The following ZDHHC3 variants were observed in gnomAD, a reference collection of about 807,000 sequenced individuals.
The protein encoded by ZDHHC3 is palmitoyltransferase ZDHHC3.
A neutral mutation model predicts 30.6 loss-of-function variants in ZDHHC3; 9 were observed. The observed-to-expected ratio is 0.29, with a 90% CI of 0.18 to 0.51. The LOEUF (loss-of-function observed/expected upper bound fraction) is 0.51, where lower values mean the gene tolerates loss of function less well. Among genes scored for constraint, ZDHHC3 ranks in the 20% least tolerant of loss-of-function variants. The pLI is 0.97. For synonymous variants in ZDHHC3, 136 were observed against 140.2 expected, an observed-to-expected ratio of 0.97 and a Z score of 0.21; for missense variants, 246 against 384.2, an observed-to-expected ratio of 0.64 and a Z score of 3.01.
chr3:44,918,637 G>A lies in ZDHHC3; in HGVS notation c.*8052C>T, dbSNP rs1700375792. On this transcript the variant is annotated 3_prime_UTR_variant, in exon 7 of 7. Transcript: ENST00000424952. The stretch of plus-strand genomic sequence containing the variant: ...AAGGAAGGAGTGCAGGACACAAACA[G>A]CATGCGAGGTGAAGAAGCGGGTGCT... 3 of 985,336 alleles carry A rather than the reference G, an allele frequency of 3.0e-6. No individual in the cohort carries two copies. Among genetic ancestry groups the A allele is most frequent in the Admixed American group, 6.1e-5 (1 of 16,270 alleles). The allele number at this position is 985,336 out of a possible 1,614,324, so 61.0% of individuals were successfully genotyped here. A position where few individuals can be genotyped will look rare whatever the true frequency, so the allele number is the denominator to read the frequency against.
At chr3:44,949,741 C>A (rs992890242) in intron 2 of ZDHHC3, among the ~76,000 whole-genome samples, 1 of 152,180 alleles carries the variant, frequency 6.6e-6, no homozygotes, top group Non-Finnish European at 1.5e-5. Flanking sequence ...AGGGCCCAGA[C>A]CACATGGCAT....
rs1700941146 is a variant in ZDHHC3 at position 44,925,862 on chromosome 3, G to T, written c.*827C>A. 3.0e-6 allele frequency: 3 copies of T among 985,854 alleles called. No homozygotes were observed. The South Asian group carries it at 1.4e-4, about 46-fold the overall frequency. 61.1% of individuals were successfully genotyped at this position (985,854 alleles called of 1,614,324 possible). On this transcript the variant is annotated 3_prime_UTR_variant, in exon 7 of 7. Coordinates refer to ENST00000424952, the MANE Select transcript of ZDHHC3 (RefSeq NM_001135179.2). The stretch of plus-strand genomic sequence containing the variant: ...CTTGCTGGGGAAGAGAGGGAGATGG[G>T]GTGGTGAGAGAGGAAGCAGATGAAA...
intron 2 of ZDHHC3, among the ~76,000 whole-genome samples, chr3:44,957,801 G>A (rs1704083193): frequency 6.6e-6 from 1 of 152,170 alleles, no homozygotes; most frequent in Non-Finnish European, 1.5e-5. Flanking sequence ...ATCACACAGG[G>A]TTATCATCAC....
chr3:44,921,069 G>A lies in ZDHHC3; in HGVS notation c.*5620C>T. On this transcript the variant is annotated 3_prime_UTR_variant, in exon 7 of 7. Coordinates refer to ENST00000424952, the MANE Select transcript of ZDHHC3 (RefSeq NM_001135179.2). ...CAGGCTCAAGAGAACGAACAAAAAT[G>A]GTTGATGCCTGGTAAGGGGGTCATA... 1.0e-6 allele frequency: 1 copy of A among 985,434 alleles called. No individual in the cohort carries two copies. The highest frequency in any genetic ancestry group is 1.2e-6 in the Non-Finnish European group (1 of 829,924). 61.0% of individuals were successfully genotyped at this position (985,434 alleles called of 1,614,324 possible). A position where few individuals can be genotyped will look rare whatever the true frequency, so the allele number is the denominator to read the frequency against.
In ZDHHC3 at chr3:44,921,900, G is replaced by C. The variant is rs1700619143; in HGVS notation, c.*4789C>G. On this transcript the variant is annotated 3_prime_UTR_variant, in exon 7 of 7. Transcript: ENST00000424952. Reference sequence around the variant, plus strand: ...TTATGTCCGTGTTAGAGCATGTGCGGCCCCTAGAAGGCTTTTAGCGAACGT... The same window carrying C: ...TTATGTCCGTGTTAGAGCATGTGCGCCCCCTAGAAGGCTTTTAGCGAACGT... 1.3e-5 allele frequency: 13 copies of C among 985,408 alleles called. No individual in the cohort carries two copies. The South Asian group carries it at 5.6e-4, about 43-fold the overall frequency. The allele number at this position is 985,408 out of a possible 1,614,324, so 61.0% of individuals were successfully genotyped here.
intron 1 of ZDHHC3, among the ~76,000 whole-genome samples, chr3:44,970,219 A>G (rs1705298028): frequency 6.6e-6 from 1 of 152,358 alleles, no homozygotes; most frequent in East Asian, 1.9e-4. Flanking sequence ...GCAGTGCAAG[A>G]GCAGAGCCCT....
At chr3:44,946,510 T>A (rs536443785) in intron 2 of ZDHHC3, among the ~76,000 whole-genome samples, 3 of 152,114 alleles carry the variant, frequency 2.0e-5, no homozygotes, top group Non-Finnish European at 4.4e-5. Flanking sequence ...ACTTATAGTG[T>A]TTTGGAGGCT....
chr3:44,928,013 G>A (rs980176579), intron 6 of ZDHHC3, among the ~76,000 whole-genome samples: 1 of 152,210 alleles, frequency 6.6e-6, no homozygotes, highest in Non-Finnish European at 1.5e-5. Flanking sequence ...GCTAGGACTG[G>A]GGCCGTGAGA....
At chr3:44,942,493 G>A (rs1702528117) in intron 3 of ZDHHC3, among the ~76,000 whole-genome samples, 1 of 152,230 alleles carries the variant, frequency 6.6e-6, no homozygotes. Context: ...CCTGGGGAGA[G>A]AGGCAAGGAG....
intron 3 of ZDHHC3, among the ~76,000 whole-genome samples, chr3:44,934,729 T>C (rs1406334168): frequency 1.3e-5 from 2 of 151,756 alleles, no homozygotes; most frequent in Non-Finnish European, 2.9e-5. Context: ...CCATCTCTAC[T>C]AAAAATACAA....
In ZDHHC3 at chr3:44,922,787, C is replaced by G. The variant is rs1418257196; in HGVS notation, c.*3902G>C. On this transcript the variant is annotated 3_prime_UTR_variant, in exon 7 of 7. Transcript: ENST00000424952. ...GGGGACCGAGAATGTGCATTTCTAA[C>G]AAGTTCTCAGGTGATGCTGATGTTG... 1 of 985,128 alleles carries G rather than the reference C, an allele frequency of 1.0e-6. No homozygotes were observed. Among genetic ancestry groups the G allele is most frequent in the African/African-American group, 1.7e-5 (1 of 57,224 alleles). 61.0% of individuals were successfully genotyped at this position (985,128 alleles called of 1,614,324 possible).
intron 2 of ZDHHC3, among the ~76,000 whole-genome samples, chr3:44,948,033 G>C (rs1194743793): frequency 2.0e-5 from 3 of 152,070 alleles, no homozygotes; most frequent in Admixed American, 1.3e-4. Flanking sequence ...CATGACCCCT[G>C]TGTCAGGTCT....
rs924118941 is a variant in ZDHHC3, at chr3:44,924,546, G to A, written c.*2143C>T. 7.1e-6 allele frequency: 7 copies of A among 985,248 alleles called. No homozygotes were observed. The highest frequency in any genetic ancestry group is 8.4e-6 in the Non-Finnish European group (7 of 829,908). The allele number at this position is 985,248 out of a possible 1,614,324, so 61.0% of individuals were successfully genotyped here. On this transcript the variant is annotated 3_prime_UTR_variant, in exon 7 of 7. Transcript: ENST00000424952. ...TAGTATGCACAGCTTTAAAGGAGGA[G>A]TTTCTATTTTTAGGACTAAAAAAAA... is the stretch of plus-strand genomic sequence containing the variant.
At chr3:44,971,346 T>C (rs1705386543) in intron 1 of ZDHHC3, among the ~76,000 whole-genome samples, 1 of 152,232 alleles carries the variant, frequency 6.6e-6, no homozygotes, top group South Asian at 2.1e-4. Flanking sequence ...TCCAAATGTA[T>C]TAGGATGTAT....
chr3:44,947,143 G>C (rs985344174), intron 2 of ZDHHC3, among the ~76,000 whole-genome samples: 1 of 152,198 alleles, frequency 6.6e-6, no homozygotes, highest in Non-Finnish European at 1.5e-5. Context: ...AACAAAAAGG[G>C]AGGAGATGAG....
chr3:44,964,891 T>C (rs1288684345), intron 1 of ZDHHC3, among the ~76,000 whole-genome samples: 2 of 152,182 alleles, frequency 1.3e-5, no homozygotes, highest in Non-Finnish European at 2.9e-5. Context: ...TATATTAGTA[T>C]TCCATGTTCA....
intron 6 of ZDHHC3, among the ~76,000 whole-genome samples, chr3:44,927,190 C>CAG (rs1343766817): frequency 4.6e-5 from 7 of 152,182 alleles, no homozygotes; most frequent in Non-Finnish European, 1.0e-4. Flanking sequence ...AGGCACTCTT[C>CAG]AGAAACTCTG....
intron 3 of ZDHHC3, among the ~76,000 whole-genome samples, chr3:44,934,623 C>T (rs935352106): frequency 4.7e-5 from 7 of 149,406 alleles, no homozygotes; most frequent in South Asian, 2.1e-4. Context: ...TGAGTCCAGG[C>T]GCAGTGGCCT....
chr3:44,925,531 A>G lies in ZDHHC3; in HGVS notation c.*1158T>C. 1 of 985,476 alleles carries G rather than the reference A, an allele frequency of 1.0e-6. No homozygotes were observed. Among genetic ancestry groups the G allele is most frequent in the Non-Finnish European group, 1.2e-6 (1 of 829,946 alleles). 61.0% of individuals were successfully genotyped at this position (985,476 alleles called of 1,614,324 possible). On this transcript the variant is annotated 3_prime_UTR_variant, in exon 7 of 7. Transcript: ENST00000424952. ...GAAGTGCCTCTCAAATGGAAAATCTATTCTGTCCCAGTGCCACAGGCTTAG... is the reference window on the plus strand; with the variant it reads ...GAAGTGCCTCTCAAATGGAAAATCTGTTCTGTCCCAGTGCCACAGGCTTAG...
Sources: allele counts gnomAD v4.1 joint callset (sites outside exome capture counted in the v4.1 genomes callset), GRCh38; gene constraint gnomAD v4.1.1; transcripts MANE v1.5; gene names NCBI Gene and HGNC (gene_info 2026-07-23, HGNC 2026-07-21).